The following CSNK1G2 variants were observed in gnomAD, a reference collection of about 807,000 sequenced individuals.
The protein encoded by CSNK1G2 is casein kinase 1 gamma 2, also known as casein kinase I isoform gamma-2.
A neutral mutation model predicts 48.0 loss-of-function variants in CSNK1G2; 11 were observed. The ratio of observed to expected loss-of-function variants is 0.23; its 90% confidence interval spans 0.14 to 0.38. The LOEUF (loss-of-function observed/expected upper bound fraction) is 0.38, where lower values mean the gene tolerates loss of function less well. CSNK1G2 is among the 10% of genes least tolerant of loss of function. The pLI, the probability that CSNK1G2 is intolerant of heterozygous loss-of-function variation, is 1.00. For missense variants in CSNK1G2, 446 were observed against 595.5 expected, an observed-to-expected ratio of 0.75 and a Z score of 2.61; for synonymous variants, 337 against 254.1, an observed-to-expected ratio of 1.33 and a Z score of -3.10.
At position 1,978,433 on chromosome 19, in the gene CSNK1G2, T is replaced by C. The variant is rs746258855; in HGVS notation, c.229-9T>C. ...CCGGTCCCCTGGTGACTCGCTCTTGTGCCCCCAGGAGCCGATCAAGTCCCG... is the reference window on the plus strand; with the variant it reads ...CCGGTCCCCTGGTGACTCGCTCTTGCGCCCCCAGGAGCCGATCAAGTCCCG... On this transcript the variant is annotated splice_polypyrimidine_tract_variant and intron_variant, in intron 3 of 11. Coordinates refer to ENST00000255641, the MANE Select transcript of CSNK1G2 (RefSeq NM_001319.7). The surrounding 1 kb of genome is among the most constrained non-coding windows in gnomAD (Gnocchi z 7.3). The C allele has an allele frequency of 9.5e-5, 153 of 1,610,864 alleles. No individual in the cohort carries two copies. Among genetic ancestry groups the C allele is most frequent in the Non-Finnish European group, 1.2e-4 (138 of 1,179,162 alleles).
intron 1 of CSNK1G2, among the ~76,000 whole-genome samples, chr19:1,946,641 C>G (rs988795546): frequency 6.7e-6 from 1 of 150,028 alleles, no homozygotes. Flanking sequence ...GAGATGGAGT[C>G]TCGCTCTGTT....
intron 1 of CSNK1G2, among the ~76,000 whole-genome samples, chr19:1,968,381 G>A (rs937280891): frequency 6.7e-6 from 1 of 149,640 alleles, no homozygotes; most frequent in African/African-American, 2.5e-5. Flanking sequence ...TCCTCCCCAG[G>A]CTGTCCCGAG....
chr19:1,945,338 T>TC (rs1304372817), intron 1 of CSNK1G2, among the ~76,000 whole-genome samples: 1 of 152,154 alleles, frequency 6.6e-6, no homozygotes, highest in African/African-American at 2.4e-5. Context: ...GGGGCACGCG[T>TC]CTGAGGTGTG....
At chr19:1,946,828 G>T (rs1024284536) in intron 1 of CSNK1G2, among the ~76,000 whole-genome samples, 2 of 151,364 alleles carry the variant, frequency 1.3e-5, no homozygotes, top group African/African-American at 4.9e-5. Context: ...AGCCAGGATG[G>T]TCTCCATCTC....
At chr19:1,941,951 C>T (rs1351349239) in intron 1 of CSNK1G2, among the ~76,000 whole-genome samples, 1 of 152,018 alleles carries the variant, frequency 6.6e-6, no homozygotes, top group East Asian at 1.9e-4. Context: ...GAGGCCCCTG[C>T]CCACCTGGCC....
intron 2 of CSNK1G2, among the ~76,000 whole-genome samples, chr19:1,974,438 A>G (rs1182930587): frequency 6.6e-6 from 1 of 152,176 alleles, no homozygotes; most frequent in Non-Finnish European, 1.5e-5. Context: ...CCCCAGCCCC[A>G]GCCCCAGCAG....
intron 2 of CSNK1G2, among the ~76,000 whole-genome samples, chr19:1,973,614 G>C (rs764442170): frequency 7.9e-5 from 12 of 152,184 alleles, no homozygotes; most frequent in Non-Finnish European, 1.8e-4. Flanking sequence ...GTGCTCTCCT[G>C]GTGTCAGGCT....
At chr19:1,956,107 G>A (rs1952266942) in intron 1 of CSNK1G2, among the ~76,000 whole-genome samples, 1 of 152,224 alleles carries the variant, frequency 6.6e-6, no homozygotes, top group South Asian at 2.1e-4. Context: ...TGGGGCAGGG[G>A]TGCCGAGAGG....
intron 1 of CSNK1G2, among the ~76,000 whole-genome samples, chr19:1,960,443 G>T (rs1006866276): frequency 6.6e-6 from 1 of 152,224 alleles, no homozygotes; most frequent in Non-Finnish European, 1.5e-5. Context: ...CTCAGGCGGG[G>T]CCTCTGGGCA....
At position 1,978,832 on chromosome 19, in the gene CSNK1G2, G is replaced by A. The variant is rs761012619; in HGVS notation, c.448-27G>A. The A allele has an allele frequency of 8.3e-5, 132 of 1,593,208 alleles. No individual in the cohort carries two copies. The highest frequency in any genetic ancestry group is 1.0e-4 in the Non-Finnish European group (122 of 1,172,766). On this transcript the variant is annotated intron_variant, in intron 5 of 11. Transcript: ENST00000255641. This position sits in a 1 kb window ranked among gnomAD's most constrained non-coding sequence, Gnocchi z 7.3. ...GAGCGCGTGGGACGGGGAGGGGCCC[G>A]GCCGACACCGCCGTGCCCCCCTGCA...
intron 2 of CSNK1G2, chr19:1,975,852 A>G (rs2015734810): frequency 1.2e-6 from 1 of 837,174 alleles, no homozygotes; most frequent in African/African-American, 1.8e-5. Context: ...CCTGGACAAC[A>G]TGGAGAAAGC....
In CSNK1G2 at chr19:1,979,586, C is replaced by T. The variant is rs753186272; in HGVS notation, c.945C>T (p.Leu315=). The change falls in exon 9 of 12, where the codon CTC becomes CTT. Residue 315 remains leucine (L), a synonymous_variant. Transcript: ENST00000255641. The stretch of plus-strand genomic sequence containing the variant: ...ACCTGCGGAAGCTCTTCACCGACCT[C>T]TTCGACCGCAGTGGCTTCGTGTTCG... ...YDYLRKLFTD[L]FDRSGFVFDY... is the part of the protein sequence containing the mutation. 1.9e-6 allele frequency: 3 copies of T among 1,608,048 alleles called. No homozygotes were observed. The highest frequency in any genetic ancestry group is 4.5e-5 in the East Asian group (2 of 44,870).
intron 1 of CSNK1G2, among the ~76,000 whole-genome samples, chr19:1,964,423 C>G (rs540831818): frequency 6.6e-6 from 1 of 152,262 alleles, no homozygotes; most frequent in South Asian, 2.1e-4. Context: ...GAAGAAACAG[C>G]CTTCTGGAAG....
At chr19:1,952,241 G>A (rs1313103897) in intron 1 of CSNK1G2, among the ~76,000 whole-genome samples, 2 of 152,252 alleles carry the variant, frequency 1.3e-5, no homozygotes, top group South Asian at 2.1e-4. Context: ...AGAAGCTAGT[G>A]CGCCGATAGC....
chr19:1,955,494 C>T (rs922683103), intron 1 of CSNK1G2, among the ~76,000 whole-genome samples: 16 of 145,738 alleles, frequency 1.1e-4, no homozygotes, highest in South Asian at 4.2e-4. Context: ...GGCGAGGCTC[C>T]GCGGGGTGGG....
intron 6 of CSNK1G2, 35 bp downstream of exon 6, chr19:1,979,128 C>T (rs750252577): frequency 2.6e-6 from 4 of 1,563,474 alleles, no homozygotes; most frequent in Non-Finnish European, 2.6e-6. Flanking sequence ...GGCGGGCGCC[C>T]GGACCCCGCT....
intron 1 of CSNK1G2, among the ~76,000 whole-genome samples, chr19:1,948,829 C>T (rs1353884656): frequency 6.6e-6 from 1 of 152,234 alleles, no homozygotes; most frequent in Non-Finnish European, 1.5e-5. Context: ...CTCGGGAGGA[C>T]ACGTGGTCCG....
chr19:1,947,871 A>T (rs2145499406), intron 1 of CSNK1G2, among the ~76,000 whole-genome samples: 1 of 152,198 alleles, frequency 6.6e-6, no homozygotes, highest in African/African-American at 2.4e-5. Flanking sequence ...CTGCCCCATG[A>T]GTTGTCGGGG....
intron 1 of CSNK1G2, among the ~76,000 whole-genome samples, chr19:1,958,994 C>T (rs539341515): frequency 1.4e-5 from 2 of 143,304 alleles, no homozygotes; most frequent in Non-Finnish European, 3.0e-5. Flanking sequence ...CCCCAAATTC[C>T]CCATGTGGCT....
Sources: gnomAD v4.1 joint callset for allele counts (sites outside exome capture counted in the v4.1 genomes callset) on GRCh38, gnomAD v4.1.1 for gene constraint, Gnocchi (gnomAD v3.1) non-coding constraint, MANE v1.5 for transcripts, NCBI Gene and HGNC (gene_info 2026-07-23, HGNC 2026-07-21) for gene names.